EYS: variants seen among roughly 807,000 people sequenced by gnomAD.
EYS encodes the protein protein eyes shut homolog.
EYS carries 250 observed loss-of-function variants against 282.1 expected under a neutral mutation model. The observed-to-expected ratio is 0.89, with a 90% CI of 0.80 to 0.98. The LOEUF (loss-of-function observed/expected upper bound fraction) is 0.98. EYS is among the 50% of genes least tolerant of loss of function. The pLI is 0.00. For missense variants in EYS, 4,016 were observed against 3,709.0 expected, an observed-to-expected ratio of 1.08 and a Z score of -2.15; for synonymous variants, 1,355 against 1,282.9, an observed-to-expected ratio of 1.06 and a Z score of -1.20.
chr6:65,498,279 C>A (rs1424085844), intron 2 of EYS, among the ~76,000 whole-genome samples: 1 of 151,884 alleles, frequency 6.6e-6, no homozygotes, highest in Non-Finnish European at 1.5e-5. Flanking sequence ...AATCACTAGG[C>A]AATATTGAAA....
intron 27 of EYS, 64 bp from the exon 28 acceptor site, chr6:64,436,329 G>T: frequency 8.9e-6 from 7 of 790,208 alleles, no homozygotes; most frequent in South Asian, 1.7e-5. Flanking sequence ...CCATATATTT[G>T]CACTGGACTT....
intron 2 of EYS, among the ~76,000 whole-genome samples, chr6:65,512,741 C>T (rs1489214804): frequency 7.2e-5 from 11 of 151,844 alleles, no homozygotes; most frequent in Non-Finnish European, 1.2e-4. Flanking sequence ...TTGAAACCAA[C>T]GAGAACAAAG....
intron 2 of EYS, among the ~76,000 whole-genome samples, chr6:65,572,064 A>G (rs1764496347): frequency 6.6e-6 from 1 of 152,074 alleles, no homozygotes; most frequent in African/African-American, 2.4e-5. Context: ...TCAAAACATG[A>G]AAAGCTATGC....
intron 41 of EYS, among the ~76,000 whole-genome samples, chr6:63,734,369 T>G (rs1010300358): frequency 3.3e-5 from 5 of 152,156 alleles, no homozygotes; most frequent in Admixed American, 3.3e-4. Context: ...GACTGTCTTA[T>G]AAGAATGAGA....
chr6:64,207,279 T>G (rs1375667516), intron 31 of EYS, among the ~76,000 whole-genome samples: 1 of 151,882 alleles, frequency 6.6e-6, no homozygotes, highest in Non-Finnish European at 1.5e-5. Context: ...CTATCTTGTG[T>G]GCTGCTCTTC....
At chr6:65,660,943 GATA>G (rs1286677993) in intron 1 of EYS, among the ~76,000 whole-genome samples, 1 of 151,580 alleles carries the variant, frequency 6.6e-6, no homozygotes, top group Non-Finnish European at 1.5e-5. Flanking sequence ...TGATTATTAT[GATA>G]ATGATGATAA....
chr6:65,633,726 C>T (rs1018138151), intron 2 of EYS, among the ~76,000 whole-genome samples: 1 of 152,206 alleles, frequency 6.6e-6, no homozygotes, highest in African/African-American at 2.4e-5. Context: ...TTTCCAATTT[C>T]TCACACTTTT....
At chr6:64,433,913 T>G (rs972010727) in intron 28 of EYS, among the ~76,000 whole-genome samples, 1 of 152,044 alleles carries the variant, frequency 6.6e-6, no homozygotes, top group Non-Finnish European at 1.5e-5. Context: ...TAGAGAAAGT[T>G]GTCCAGCTTC....
intron 28 of EYS, among the ~76,000 whole-genome samples, chr6:64,420,743 A>G (rs1774205546): frequency 6.6e-6 from 1 of 152,186 alleles, no homozygotes; most frequent in Non-Finnish European, 1.5e-5. Context: ...TCTCTTGGGT[A>G]GGGACAAAAT....
rs146242252 is a variant in EYS at position 65,371,436 on chromosome 6, C to T, written c.1299+12950G>A. Among the ~76,000 whole-genome samples the T allele has an allele frequency of 6.1e-4, 92 of 150,292 alleles. 1 individual carries two copies. The highest frequency in any genetic ancestry group is 1.1e-3 in the Non-Finnish European group (77 of 67,856). ...ATTGGGTTTCTACAGAAGGACAAAC[C>T]GAGGATGTAACATTTGAGAAAATAC... On this transcript the variant is annotated intron_variant, in intron 8 of 42. Coordinates refer to ENST00000503581, the MANE Select transcript of EYS (RefSeq NM_001142800.2).
chr6:63,887,998 C>T (rs557847324), intron 35 of EYS, among the ~76,000 whole-genome samples: 1 of 152,160 alleles, frequency 6.6e-6, no homozygotes, highest in African/African-American at 2.4e-5. Flanking sequence ...GAGTTTTCCC[C>T]TCACAGTGTA....
intron 26 of EYS, among the ~76,000 whole-genome samples, chr6:64,530,991 C>T (rs1764310476): frequency 6.6e-6 from 1 of 152,040 alleles, no homozygotes; most frequent in African/African-American, 2.4e-5. Flanking sequence ...CTTTGATATG[C>T]CGGTAAAATT....
At chr6:64,909,319 A>C (rs1767923116) in intron 16 of EYS, among the ~76,000 whole-genome samples, 3 of 152,200 alleles carry the variant, frequency 2.0e-5, no homozygotes, top group Admixed American at 2.0e-4. Flanking sequence ...TGGTTACAAT[A>C]AAATAAATTT....
At position 65,301,663 on chromosome 6, in the gene EYS, C is replaced by T. The variant is rs1174750109; in HGVS notation, c.1767-5544G>A. On this transcript the variant is annotated intron_variant, in intron 11 of 42. Coordinates refer to ENST00000503581, the MANE Select transcript of EYS (RefSeq NM_001142800.2). ...CGACCTTATTCCGGTATCCTACACC[C>T]ATTCCCCACCCTCATTACACTCCCA... Among the ~76,000 whole-genome samples, 3 of 152,388 alleles carry T rather than the reference C, an allele frequency of 2.0e-5. No homozygotes were observed. In the East Asian group the frequency reaches 5.8e-4, roughly 29 times the overall value.
At chr6:64,467,501 G>A (rs1011209683) in intron 26 of EYS, among the ~76,000 whole-genome samples, 1 of 152,154 alleles carries the variant, frequency 6.6e-6, no homozygotes, top group Non-Finnish European at 1.5e-5. Context: ...AAATTCTAAT[G>A]AGTTGATCAA....
At chr6:65,179,969 C>A (rs1443956046) in intron 12 of EYS, among the ~76,000 whole-genome samples, 2 of 152,032 alleles carry the variant, frequency 1.3e-5, no homozygotes, top group Non-Finnish European at 2.9e-5. Flanking sequence ...ATGATTATCT[C>A]AATAGATGCA....
At chr6:64,736,964 A>C (rs144029030) in intron 22 of EYS, among the ~76,000 whole-genome samples, 171 of 152,316 alleles carry the variant, frequency 1.1e-3, no homozygotes, top group African/African-American at 3.6e-3. Flanking sequence ...ATTTTATATT[A>C]CCTTATGATG....
intron 14 of EYS, among the ~76,000 whole-genome samples, chr6:64,961,088 A>G (rs554588896): frequency 6.6e-6 from 1 of 152,258 alleles, no homozygotes; most frequent in East Asian, 1.9e-4. Context: ...TGTCTTTGCT[A>G]TTGTGAATAG....
chr6:64,789,895 A>G (rs1444306597), intron 22 of EYS, among the ~76,000 whole-genome samples: 2 of 151,694 alleles, frequency 1.3e-5, no homozygotes, highest in African/African-American at 4.8e-5. Flanking sequence ...ATATATATAT[A>G]TATATATAAA....
Sources: gnomAD v4.1 joint callset for allele counts (sites outside exome capture counted in the v4.1 genomes callset) on GRCh38, gnomAD v4.1.1 for gene constraint, MANE v1.5 for transcripts, NCBI Gene and HGNC (gene_info 2026-07-23, HGNC 2026-07-21) for gene names.